The following GRIK4 variants were observed in gnomAD, a reference collection of about 807,000 sequenced individuals.
GRIK4 encodes glutamate receptor ionotropic, kainate 4.
GRIK4 carries 40 observed loss-of-function variants against 104.9 expected under a neutral mutation model. The observed-to-expected ratio is 0.38, with a 90% CI of 0.30 to 0.50. GRIK4 has a LOEUF of 0.50. Ranked by LOEUF, GRIK4 falls within the 20% of genes least tolerant of loss-of-function variation. GRIK4 has a pLI of 0.93. For synonymous variants in GRIK4, 485 were observed against 524.9 expected (o/e 0.92, Z 1.04); for missense variants, 1,047 against 1,308.1 (o/e 0.80, Z 3.08).
intron 3 of GRIK4, among the ~76,000 whole-genome samples, chr11:120,675,227 C>T (rs1030357528): frequency 2.0e-5 from 3 of 152,174 alleles, no homozygotes; most frequent in Non-Finnish European, 2.9e-5. Flanking sequence ...CCAAAGAGCA[C>T]GGTGGCCCCT....
At chr11:120,876,414 GTCA>G (rs1954819849) in intron 11 of GRIK4, among the ~76,000 whole-genome samples, 1 of 3,636 alleles carries the variant, frequency 2.8e-4, no homozygotes, top group South Asian at 7.6e-3. Flanking sequence ...AACCACCATT[GTCA>G]TCATTATCAC....
intron 3 of GRIK4, among the ~76,000 whole-genome samples, chr11:120,783,054 T>G (rs546161880): frequency 2.6e-4 from 39 of 152,288 alleles, no homozygotes; most frequent in African/African-American, 9.4e-4. Context: ...TGGGGACCCC[T>G]GAAATTTGAA....
intron 3 of GRIK4, among the ~76,000 whole-genome samples, chr11:120,776,621 G>A (rs561767529): frequency 8.6e-5 from 13 of 151,430 alleles, no homozygotes; most frequent in Non-Finnish European, 1.5e-4. Context: ...CACAGTCTCT[G>A]AGGGTCAGGA....
chr11:120,913,296 A>C (rs1943038096), intron 13 of GRIK4, among the ~76,000 whole-genome samples: 1 of 152,028 alleles, frequency 6.6e-6, no homozygotes, highest in Non-Finnish European at 1.5e-5. Context: ...TTCCAGACAG[A>C]GGATGTGGAG....
chr11:120,541,293 A>G (rs1273429734), intron 1 of GRIK4, among the ~76,000 whole-genome samples: 2 of 152,206 alleles, frequency 1.3e-5, no homozygotes, highest in African/African-American at 4.8e-5. Flanking sequence ...GAACAGTTAT[A>G]TTGGAGCACT....
chr11:120,693,476 G>A (rs1197842439), intron 3 of GRIK4, among the ~76,000 whole-genome samples: 1 of 152,192 alleles, frequency 6.6e-6, no homozygotes, highest in Non-Finnish European at 1.5e-5. Context: ...GACCAGTTAA[G>A]AGACTGTTGG....
chr11:120,920,927 C>T (rs1943214575), intron 13 of GRIK4, among the ~76,000 whole-genome samples: 1 of 152,182 alleles, frequency 6.6e-6, no homozygotes, highest in Non-Finnish European at 1.5e-5. Context: ...CTCAAGTGCC[C>T]CACACTCACT....
At chr11:120,911,885 G>A (rs1040877594) in intron 13 of GRIK4, among the ~76,000 whole-genome samples, 2 of 150,830 alleles carry the variant, frequency 1.3e-5, no homozygotes, top group Non-Finnish European at 2.9e-5. Context: ...TCTCTTATAC[G>A]GAGGTAGACA....
chr11:120,683,858 T>C (rs1183497310), intron 3 of GRIK4, among the ~76,000 whole-genome samples: 1 of 152,112 alleles, frequency 6.6e-6, no homozygotes, highest in Admixed American at 6.6e-5. Context: ...GACCAGCAGG[T>C]TTTTAGATAA....
At chr11:120,821,141 C>A (rs899340640) in intron 6 of GRIK4, among the ~76,000 whole-genome samples, 2 of 152,216 alleles carry the variant, frequency 1.3e-5, no homozygotes, top group Non-Finnish European at 2.9e-5. Context: ...CAGAGCCCTG[C>A]AGTGGATGCA....
At chr11:120,556,946 C>A (rs898561619) in intron 1 of GRIK4, among the ~76,000 whole-genome samples, 16 of 152,126 alleles carry the variant, frequency 1.1e-4, no homozygotes, top group African/African-American at 3.9e-4. Flanking sequence ...TCCCTCCTGA[C>A]AGCGGGCAGC....
In GRIK4 at chr11:120,958,373, C is replaced by T. The variant is rs145688631; in HGVS notation, c.1874+1420C>T. 1.0e-3 allele frequency among the ~76,000 whole-genome samples: 156 copies of T among 152,336 alleles called. 1 individual carries two copies. The highest frequency in any genetic ancestry group is 1.4e-3 in the Non-Finnish European group (98 of 68,020). ...GAGCTGTGTGAGAAGGGGCTCAGCG[C>T]GAATGCAAGCCGCCGTGACAGGCCT... On this transcript the variant is annotated intron_variant, in intron 16 of 20. Coordinates refer to ENST00000527524, the MANE Select transcript of GRIK4 (RefSeq NM_014619.5).
At chr11:120,594,495 A>G (rs1474824161) in intron 1 of GRIK4, among the ~76,000 whole-genome samples, 1 of 152,134 alleles carries the variant, frequency 6.6e-6, no homozygotes, top group Non-Finnish European at 1.5e-5. Context: ...AATAATAAAT[A>G]AATAAATAAA....
At chr11:120,573,153 A>G (rs924377122) in intron 1 of GRIK4, among the ~76,000 whole-genome samples, 17 of 152,142 alleles carry the variant, frequency 1.1e-4, no homozygotes, top group Non-Finnish European at 2.5e-4. Context: ...TGTCCTGGGT[A>G]TTTCACTGCT....
Position 120,875,166 on chromosome 11 carries a change from A to G in GRIK4, c.1087A>G (p.Ile363Val). 2 of 1,612,394 alleles carry G rather than the reference A, an allele frequency of 1.2e-6. No homozygotes were observed. The highest frequency in any genetic ancestry group is 1.7e-4 in the Middle Eastern group (1 of 6,058). Residue 363 changes from isoleucine (I) to valine (V), a missense_variant, in exon 11 of 21, where the codon ATT becomes GTT. This residue lies in a region of GRIK4 where 447 missense variants were observed against 514.9 expected (regional missense o/e 0.87). Transcript: ENST00000527524. ...MVELEGLTGH[I>V]EFNSKGQRSN... is the part of the protein sequence containing the mutation. ...AGAATTGGAAGGTCTTACCGGCCACATTGAATTCAACAGCAAAGGCCAGAG... is the reference window on the plus strand; with the variant it reads ...AGAATTGGAAGGTCTTACCGGCCACGTTGAATTCAACAGCAAAGGCCAGAG...
At chr11:120,854,293 G>A (rs1954048994) in intron 8 of GRIK4, among the ~76,000 whole-genome samples, 2 of 152,174 alleles carry the variant, frequency 1.3e-5, no homozygotes, top group South Asian at 4.1e-4. Context: ...AAGAAATGAG[G>A]GACTGCTTGA....
At chr11:120,695,327 C>T (rs1363363997) in intron 3 of GRIK4, among the ~76,000 whole-genome samples, 1 of 152,236 alleles carries the variant, frequency 6.6e-6, no homozygotes, top group African/African-American at 2.4e-5. Context: ...GCTCTCCCAC[C>T]CAGGCCCTGG....
chr11:120,518,962 CG>C (rs1206617003), intron 1 of GRIK4, among the ~76,000 whole-genome samples: 2 of 152,122 alleles, frequency 1.3e-5, no homozygotes, highest in Admixed American at 1.3e-4. Flanking sequence ...CCTGCAGGAG[CG>C]AAAGTGCTGG....
At chr11:120,533,100 A>G (rs1947938793) in intron 1 of GRIK4, among the ~76,000 whole-genome samples, 1 of 152,202 alleles carries the variant, frequency 6.6e-6, no homozygotes, top group Non-Finnish European at 1.5e-5. Context: ...ATGTGGCAGC[A>G]TGGAAGGCTT....
Sources: gnomAD v4.1 joint callset for allele counts (sites outside exome capture counted in the v4.1 genomes callset) on GRCh38, gnomAD v4.1.1 for gene constraint, gnomAD v4.1.1 regional missense constraint, MANE v1.5 for transcripts, NCBI Gene and HGNC (gene_info 2026-07-23, HGNC 2026-07-21) for gene names.